Variants in CDH22 observed in about 807,000 individuals in gnomAD.
CDH22 encodes cadherin-22.
In CDH22, 30 loss-of-function variants were observed where a neutral mutation model predicts 58.4. The observed-to-expected ratio is 0.51, with a 90% CI of 0.38 to 0.70. The LOEUF (loss-of-function observed/expected upper bound fraction) is 0.70. Ranked by LOEUF, CDH22 falls within the 30% of genes least tolerant of loss-of-function variation. The pLI is 0.00. For missense variants in CDH22, 1,014 were observed against 1,233.9 expected (o/e 0.82, Z 2.67); for synonymous variants, 513 against 558.2 (o/e 0.92, Z 1.14).
chr20:46,299,607 CA>C (rs987601259), intron 1 of CDH22, among the ~76,000 whole-genome samples: 7 of 133,648 alleles, frequency 5.2e-5, no homozygotes, highest in African/African-American at 8.0e-5. Context: ...GACTCCGTCT[CA>C]AAAAAAAATT....
chr20:46,188,519 C>T (rs2085842191), intron 8 of CDH22, among the ~76,000 whole-genome samples: 2 of 152,148 alleles, frequency 1.3e-5, no homozygotes, highest in Admixed American at 1.3e-4. Context: ...CAACCTCAGG[C>T]ATAAATGGGT....
At chr20:46,247,031 G>A (rs1382577365) in intron 2 of CDH22, among the ~76,000 whole-genome samples, 3 of 120,106 alleles carry the variant, frequency 2.5e-5, no homozygotes, top group Non-Finnish European at 5.4e-5. Flanking sequence ...GGGGTGGGGT[G>A]GGCTAATGAC....
chr20:46,284,856 A>G (rs1368498461), intron 1 of CDH22, among the ~76,000 whole-genome samples: 1 of 152,164 alleles, frequency 6.6e-6, no homozygotes, highest in Admixed American at 6.5e-5. Context: ...CTGCCGAGAT[A>G]GTGCAGCTTT....
intron 1 of CDH22, among the ~76,000 whole-genome samples, chr20:46,283,861 C>G (rs1012712000): frequency 2.0e-5 from 3 of 152,084 alleles, no homozygotes; most frequent in African/African-American, 7.2e-5. Context: ...ACACACACCC[C>G]GTGAGCCAAA....
intron 10 of CDH22, among the ~76,000 whole-genome samples, chr20:46,183,942 G>A (rs1391148183): frequency 6.6e-6 from 1 of 152,070 alleles, no homozygotes; most frequent in Non-Finnish European, 1.5e-5. Flanking sequence ...CCCCAGTCCT[G>A]CTCACCACAG....
At position 46,251,012 on chromosome 20, in the gene CDH22, C is replaced by T; in HGVS notation, c.255+28G>A. 2 of 1,421,946 alleles carry T rather than the reference C, an allele frequency of 1.4e-6. No homozygotes were observed. The highest frequency in any genetic ancestry group is 2.0e-6 in the Non-Finnish European group (2 of 1,007,996). The allele number at this position is 1,421,946 out of a possible 1,614,324, so 88.1% of individuals were successfully genotyped here. On this transcript the variant is annotated intron_variant, in intron 2 of 11. Transcript: ENST00000537909. The surrounding 1 kb of genome is among the most constrained non-coding windows in gnomAD (Gnocchi z 6.7). Reference sequence around the variant, plus strand: ...GTGGGTGTCCCCAGGGTCCTGGGATCTGGAGTTGGAGTGGGGCCCCACTTT... The same window carrying T: ...GTGGGTGTCCCCAGGGTCCTGGGATTTGGAGTTGGAGTGGGGCCCCACTTT...
At chr20:46,294,883 G>A (rs1352455383) in intron 1 of CDH22, among the ~76,000 whole-genome samples, 2 of 152,200 alleles carry the variant, frequency 1.3e-5, no homozygotes, top group African/African-American at 2.4e-5. Context: ...GCACCTTCCC[G>A]GTGCCCAGCA....
chr20:46,186,961 A>T lies in CDH22; in HGVS notation c.1424-14T>A. On this transcript the variant is annotated splice_polypyrimidine_tract_variant and intron_variant, in intron 8 of 11. Coordinates refer to ENST00000537909, the MANE Select transcript of CDH22 (RefSeq NM_021248.3). ...GTGCATGATTGTCTGTAATGAGAGCACAGGAGCAAGGGGAGAGGCATCAAG... is the reference window on the plus strand; with the variant it reads ...GTGCATGATTGTCTGTAATGAGAGCTCAGGAGCAAGGGGAGAGGCATCAAG... The T allele has an allele frequency of 6.4e-7, 1 of 1,566,644 alleles. No individual in the cohort carries two copies. The highest frequency in any genetic ancestry group is 8.7e-7 in the Non-Finnish European group (1 of 1,154,978).
intron 4 of CDH22, among the ~76,000 whole-genome samples, chr20:46,223,394 C>T (rs970840069): frequency 1.3e-5 from 2 of 152,156 alleles, no homozygotes; most frequent in East Asian, 3.8e-4. Flanking sequence ...CAAGGCTTAT[C>T]AACCCTAGGG....
chr20:46,294,285 G>A (rs1178524114), intron 1 of CDH22, among the ~76,000 whole-genome samples: 2 of 152,128 alleles, frequency 1.3e-5, no homozygotes, highest in Admixed American at 6.5e-5. Context: ...AAACGAAGTG[G>A]GTTCTGTTCT....
Position 46,300,674 on chromosome 20 carries a change from T to G in CDH22, c.-400+7581A>C, listed in dbSNP as rs1226674430. ...CTTTCCAGAGGCCAAAACAGTTCTCTGCCATCCAGCATCCTTCCCTTCCCC... is the reference window on the plus strand; with the variant it reads ...CTTTCCAGAGGCCAAAACAGTTCTCGGCCATCCAGCATCCTTCCCTTCCCC... On this transcript the variant is annotated intron_variant, in intron 1 of 11. Coordinates refer to ENST00000537909, the MANE Select transcript of CDH22 (RefSeq NM_021248.3). The surrounding 1 kb of genome is among the most constrained non-coding windows in gnomAD (Gnocchi z 4.4). Among the ~76,000 whole-genome samples, 2 of 152,200 alleles carry G rather than the reference T, an allele frequency of 1.3e-5. No individual in the cohort carries two copies. Among genetic ancestry groups the G allele is most frequent in the African/African-American group, 4.8e-5 (2 of 41,438 alleles).
At chr20:46,268,977 G>A (rs950022225) in intron 1 of CDH22, among the ~76,000 whole-genome samples, 2 of 152,144 alleles carry the variant, frequency 1.3e-5, no homozygotes, top group African/African-American at 2.4e-5. Context: ...CTCAGCCCCT[G>A]CTTACATTCC....
At position 46,241,089 on chromosome 20, in the gene CDH22, G is replaced by A. The variant is rs2086286696; in HGVS notation, c.424C>T (p.Arg142Cys). The change falls in exon 3 of 12, where the codon CGC becomes TGC. Residue 142 changes from arginine to cysteine, a missense_variant. By Grantham distance (180) the Arg-to-Cys change is radical. This residue lies in a region of CDH22 where 806 missense variants were observed against 1,038.7 expected (regional missense o/e 0.78). Transcript: ENST00000537909. The surrounding 1 kb of genome is among the most constrained non-coding windows in gnomAD (Gnocchi z 5.2). ...FYTLRAQARD[R>C]ATNRLLEPES... Reference sequence around the variant, plus strand: ...GGCTCCAGTAGGCGGTTGGTGGCGCGATCCCGAGCCTGGGCCCGCAGCGTG... The same window carrying A: ...GGCTCCAGTAGGCGGTTGGTGGCGCAATCCCGAGCCTGGGCCCGCAGCGTG... 7 of 1,614,176 alleles carry A rather than the reference G, an allele frequency of 4.3e-6. No homozygotes were observed. Among genetic ancestry groups the A allele is most frequent in the South Asian group, 1.1e-5 (1 of 91,086 alleles).
At chr20:46,226,926 G>A (rs557474108) in intron 4 of CDH22, among the ~76,000 whole-genome samples, 1 of 152,318 alleles carries the variant, frequency 6.6e-6, no homozygotes, top group South Asian at 2.1e-4. Flanking sequence ...GTCACCGTGA[G>A]TGAAGTGGGG....
chr20:46,223,704 T>TCTTTCTTTCTTTCTTTC (rs1491334415), intron 4 of CDH22, among the ~76,000 whole-genome samples: 14 of 66,892 alleles, frequency 2.1e-4, no homozygotes, highest in Non-Finnish European at 3.8e-4. Flanking sequence ...TTTCTTTCTT[T>TCTTTCTTTCTTTCTTTC]CTTTCTTTCT....
Position 46,199,424 on chromosome 20 carries a change from C to T in CDH22, c.1422G>A (p.Ala474=), listed in dbSNP as rs780786635. 1 of 1,609,088 alleles carries T rather than the reference C, an allele frequency of 6.2e-7. No individual in the cohort carries two copies. The highest frequency in any genetic ancestry group is 8.5e-7 in the Non-Finnish European group (1 of 1,179,278). The change falls in exon 8 of 12, where the codon GCG becomes GCA. Residue 474 remains alanine (A), a splice_region_variant and synonymous_variant. Transcript: ENST00000537909. Reference sequence around the variant, plus strand: ...GAGGGGGCGTGGCGCCCAGCTCACCCGCCTCCATGGCCAGCACTGTGATGT... The same window carrying T: ...GAGGGGGCGTGGCGCCCAGCTCACCTGCCTCCATGGCCAGCACTGTGATGT... ...WHNITVLAME[A]DNHAQLSRAS...
chr20:46,246,265 C>T (rs796247642), intron 2 of CDH22, among the ~76,000 whole-genome samples: 3 of 152,286 alleles, frequency 2.0e-5, no homozygotes, highest in African/African-American at 7.2e-5. Flanking sequence ...GGTCTGTTCA[C>T]GACTGTGCTA....
intron 10 of CDH22, among the ~76,000 whole-genome samples, chr20:46,180,900 A>AT (rs536113417): frequency 4.2e-5 from 6 of 143,372 alleles, no homozygotes; most frequent in South Asian, 2.2e-4. Context: ...TGCTCAGCTA[A>AT]TTTTTTTTAA....
chr20:46,277,396 A>G (rs2086524123), intron 1 of CDH22, among the ~76,000 whole-genome samples: 1 of 152,240 alleles, frequency 6.6e-6, no homozygotes, highest in Admixed American at 6.5e-5. Context: ...TGGACACAGC[A>G]TGGGCTTATG....
Sources: allele counts gnomAD v4.1 joint callset (sites outside exome capture counted in the v4.1 genomes callset), GRCh38; gene constraint gnomAD v4.1.1; regional missense constraint gnomAD v4.1.1; non-coding constraint Gnocchi (gnomAD v3.1); transcripts MANE v1.5; gene names NCBI Gene and HGNC (gene_info 2026-07-23, HGNC 2026-07-21).